GNAQ: variants seen among roughly 807,000 people sequenced by gnomAD.
The protein encoded by GNAQ is guanine nucleotide-binding protein G(q) subunit alpha.
In GNAQ, 8 loss-of-function variants were observed where a neutral mutation model predicts 43.9. The ratio of observed to expected loss-of-function variants is 0.18; its 90% CI spans 0.11 to 0.33. The LOEUF (loss-of-function observed/expected upper bound fraction) is 0.33. Among genes scored for constraint, GNAQ ranks in the 10% least tolerant of loss-of-function variants. The probability of loss-of-function intolerance (pLI) is 1.00; values close to 1 mark genes in which losing one functional copy is unlikely to be tolerated. For synonymous variants in GNAQ, 155 were observed against 170.7 expected, an observed-to-expected ratio of 0.91 and a Z score of 0.71; for missense variants, 158 against 450.8, an observed-to-expected ratio of 0.35 and a Z score of 5.88.
intron 2 of GNAQ, among the ~76,000 whole-genome samples, chr9:77,847,893 T>A (rs935197195): frequency 6.6e-6 from 1 of 152,244 alleles, no homozygotes; most frequent in Non-Finnish European, 1.5e-5. Flanking sequence ...GGCCTAGAGA[T>A]GCCTTTTCCA....
chr9:78,003,163 A>G (rs10870004), intron 1 of GNAQ, among the ~76,000 whole-genome samples: 111,474 of 151,984 alleles, frequency 0.73, 41,067 homozygotes, highest in South Asian at 0.78. Context: ...TCTGTATTAC[A>G]GGAAATCCAT....
chr9:77,956,619 T>C (rs765830203), intron 1 of GNAQ, among the ~76,000 whole-genome samples: 2 of 152,024 alleles, frequency 1.3e-5, no homozygotes, highest in Non-Finnish European at 2.9e-5. Flanking sequence ...ATATATAGCC[T>C]CTCTTCAATG....
chr9:77,837,830 G>C (rs1827415687), intron 2 of GNAQ, among the ~76,000 whole-genome samples: 1 of 148,832 alleles, frequency 6.7e-6, no homozygotes, highest in South Asian at 2.1e-4. Flanking sequence ...TACCCAGTGA[G>C]ATACTGAGTG....
At position 77,955,999 on chromosome 9, in the gene GNAQ, T is replaced by C. The variant is rs540847997; in HGVS notation, c.137-33654A>G. ...AGTGGGTCTATGAATAGGGCACATA[T>C]ATTATAAATAAAACCCTACATGTGA... On this transcript the variant is annotated intron_variant, in intron 1 of 6. Coordinates refer to ENST00000286548, the MANE Select transcript of GNAQ (RefSeq NM_002072.5). 1.6e-3 allele frequency among the ~76,000 whole-genome samples: 241 copies of C among 152,318 alleles called. 2 individuals are homozygous for C. Among genetic ancestry groups the C allele is most frequent in the African/African-American group, 4.9e-3 (205 of 41,584 alleles).
chr9:77,819,513 C>T (rs759694877), intron 2 of GNAQ, among the ~76,000 whole-genome samples: 1 of 152,150 alleles, frequency 6.6e-6, no homozygotes, highest in Non-Finnish European at 1.5e-5. Flanking sequence ...TGGAATGTCA[C>T]ACCTACCCAG....
chr9:78,016,952 C>T (rs1194344388), intron 1 of GNAQ, among the ~76,000 whole-genome samples: 1 of 151,858 alleles, frequency 6.6e-6, no homozygotes, highest in African/African-American at 2.4e-5. Context: ...TGTTGTGTTA[C>T]GTTACGTTAT....
intron 6 of GNAQ, among the ~76,000 whole-genome samples, chr9:77,726,406 T>C (rs946333517): frequency 3.3e-5 from 5 of 152,178 alleles, no homozygotes; most frequent in South Asian, 4.1e-4. Flanking sequence ...GGATCTTACA[T>C]GTATTTGAGA....
At chr9:77,730,841 G>A (rs1353422816) in intron 5 of GNAQ, among the ~76,000 whole-genome samples, 2 of 152,172 alleles carry the variant, frequency 1.3e-5, no homozygotes, top group Non-Finnish European at 2.9e-5. Context: ...AGATTTTATA[G>A]GCTGAATGTT....
At chr9:77,953,500 A>T (rs1035226896) in intron 1 of GNAQ, among the ~76,000 whole-genome samples, 2 of 152,288 alleles carry the variant, frequency 1.3e-5, no homozygotes, top group South Asian at 4.2e-4. Flanking sequence ...CCTTTCCCAG[A>T]ACAAAATCTA....
chr9:77,753,544 TCA>T (rs1436941380), intron 5 of GNAQ, among the ~76,000 whole-genome samples: 2 of 152,198 alleles, frequency 1.3e-5, no homozygotes, highest in Non-Finnish European at 2.9e-5. Flanking sequence ...GAATAACCTT[TCA>T]CAGAGTCAAG....
At chr9:77,790,992 T>C (rs764856651) in intron 5 of GNAQ, among the ~76,000 whole-genome samples, 1 of 152,184 alleles carries the variant, frequency 6.6e-6, no homozygotes, top group Non-Finnish European at 1.5e-5. Flanking sequence ...AAAATCAGGT[T>C]TGAAGGATGA....
chr9:77,829,636 G>A (rs547938864), intron 2 of GNAQ, among the ~76,000 whole-genome samples: 2 of 152,174 alleles, frequency 1.3e-5, no homozygotes, highest in African/African-American at 4.8e-5. Flanking sequence ...CCAAGAGAAT[G>A]AATCAGAGAA....
chr9:77,897,715 G>T (rs193185721), intron 2 of GNAQ, among the ~76,000 whole-genome samples: 1 of 152,166 alleles, frequency 6.6e-6, no homozygotes, highest in East Asian at 1.9e-4. Flanking sequence ...CCAAAAAAAC[G>T]TATGTTTGAG....
intron 1 of GNAQ, among the ~76,000 whole-genome samples, chr9:77,925,801 C>A (rs926352194): frequency 6.6e-6 from 1 of 152,148 alleles, no homozygotes; most frequent in Non-Finnish European, 1.5e-5. Flanking sequence ...TTGGTATCCA[C>A]AAGGGATTGG....
intron 2 of GNAQ, among the ~76,000 whole-genome samples, chr9:77,868,141 T>C (rs1359898996): frequency 3.3e-5 from 5 of 152,356 alleles, no homozygotes; most frequent in African/African-American, 1.2e-4. Context: ...TATCACAGCA[T>C]ATAGCATATG....
chr9:77,784,323 TTAAAA>T (rs1472847071), intron 5 of GNAQ, among the ~76,000 whole-genome samples: 2 of 152,204 alleles, frequency 1.3e-5, no homozygotes. Context: ...AATGTGTACC[TTAAAA>T]TAAAAGTTTA....
intron 1 of GNAQ, among the ~76,000 whole-genome samples, chr9:77,935,047 C>A (rs745998581): frequency 2.0e-5 from 3 of 152,146 alleles, no homozygotes; most frequent in Non-Finnish European, 4.4e-5. Context: ...ATCACTTGAA[C>A]CCTGGAGGCA....
chr9:77,729,818 G>C (rs548135049), intron 5 of GNAQ, among the ~76,000 whole-genome samples: 12 of 152,308 alleles, frequency 7.9e-5, no homozygotes, highest in African/African-American at 2.9e-4. Context: ...GCGTACACCA[G>C]AGCATCCTAG....
At chr9:77,749,284 C>T (rs939562775) in intron 5 of GNAQ, among the ~76,000 whole-genome samples, 2 of 152,172 alleles carry the variant, frequency 1.3e-5, no homozygotes, top group African/African-American at 4.8e-5. Flanking sequence ...ACAGAAGCAA[C>T]GAGCTGATGC....
Sources: gnomAD v4.1 joint callset for allele counts (sites outside exome capture counted in the v4.1 genomes callset) on GRCh38, gnomAD v4.1.1 for gene constraint, MANE v1.5 for transcripts, NCBI Gene and HGNC (gene_info 2026-07-23, HGNC 2026-07-21) for gene names.